Variants in MRTFB observed in about 807,000 individuals in gnomAD.
MRTFB encodes the protein myocardin related transcription factor B, also known as myocardin-related transcription factor B.
Under a neutral mutation model 104.2 loss-of-function variants are expected in MRTFB, and 29 were observed. That is an observed-to-expected ratio of 0.28 (90% CI 0.21 to 0.38). The LOEUF (loss-of-function observed/expected upper bound fraction) is 0.38, where lower values mean the gene tolerates loss of function less well. Ranked by LOEUF, MRTFB falls within the 10% of genes least tolerant of loss-of-function variation. The probability of loss-of-function intolerance (pLI) is 1.00; values close to 1 mark genes in which losing one functional copy is unlikely to be tolerated. For synonymous variants in MRTFB, 535 were observed against 519.5 expected (o/e 1.03, Z -0.41); for missense variants, 1,270 against 1,341.6 (o/e 0.95, Z 0.83).
At chr16:14,248,854 C>G in intron 12 of MRTFB, 72 bp from the exon 13 acceptor site, 20 of 1,529,806 alleles carry the variant, frequency 1.3e-5, no homozygotes, top group Non-Finnish European at 1.4e-5. Flanking sequence ...ACCAGTGATT[C>G]TACACCTAAG....
rs1424095224 is a variant in MRTFB at position 14,266,151 on chromosome 16, A to C, written c.*4707A>C. The C allele has an allele frequency of 6.6e-6, 1 of 152,206 alleles. No individual in the cohort carries two copies. Among genetic ancestry groups the C allele is most frequent in the East Asian group, 1.9e-4 (1 of 5,198 alleles). 9.4% of individuals were successfully genotyped at this position (152,206 alleles called of 1,614,324 possible). A position where few individuals can be genotyped will look rare whatever the true frequency, so the allele number is the denominator to read the frequency against. On this transcript the variant is annotated 3_prime_UTR_variant, in exon 17 of 17. Coordinates refer to ENST00000571589, the MANE Select transcript of MRTFB (RefSeq NM_001308142.2). ...TTATTTAAAATTTGAGACTAATGAG[A>C]TCTCAAAAATCAGCCCCAAAAAGGT...
the MRTFB span, among the ~76,000 whole-genome samples, chr16:14,065,462 G>C: frequency 6.6e-6 from 1 of 152,106 alleles, no homozygotes; most frequent in Non-Finnish European, 1.5e-5. Flanking sequence ...TCTTTCTCTT[G>C]CCTGATTGCT....
intron 3 of MRTFB, among the ~76,000 whole-genome samples, chr16:14,159,891 C>T (rs1162174338): frequency 7.3e-6 from 1 of 137,706 alleles, no homozygotes; most frequent in African/African-American, 2.7e-5. Context: ...GATCCCGCCA[C>T]TGCACTCCAG....
At chr16:14,186,729 C>A in intron 3 of MRTFB, 1 of 1,433,496 alleles carries the variant, frequency 7.0e-7, no homozygotes, top group Non-Finnish European at 9.1e-7. Flanking sequence ...ATTTGCAGGT[C>A]AAGCTGGGAA....
intron 8 of MRTFB, among the ~76,000 whole-genome samples, chr16:14,226,223 T>C (rs1047594139): frequency 2.6e-5 from 4 of 152,076 alleles, no homozygotes; most frequent in African/African-American, 7.2e-5. Flanking sequence ...AATAGAAAAA[T>C]CTTATGGAAT....
At chr16:14,145,168 C>T (rs1199991121) in intron 3 of MRTFB, among the ~76,000 whole-genome samples, 1 of 151,368 alleles carries the variant, frequency 6.6e-6, no homozygotes, top group Non-Finnish European at 1.5e-5. Context: ...ACATGTTGTT[C>T]ATTTTTTAGG....
At chr16:14,016,942 T>C in the MRTFB span, among the ~76,000 whole-genome samples, 1 of 152,220 alleles carries the variant, frequency 6.6e-6, no homozygotes, top group East Asian at 1.9e-4. Context: ...GTATGTCATT[T>C]AGTTTAGGCC....
intron 14 of MRTFB, 149 bp downstream of exon 14, chr16:14,252,172 A>G: frequency 3.3e-6 from 4 of 1,226,382 alleles, no homozygotes; most frequent in Non-Finnish European, 4.5e-6. Flanking sequence ...GAGCTCAGCT[A>G]TTATCACAGT....
At chr16:14,036,296 T>TATATATATATATATATATA in the MRTFB span, among the ~76,000 whole-genome samples, 8 of 98,314 alleles carry the variant, frequency 8.1e-5, no homozygotes, top group South Asian at 1.6e-3. Flanking sequence ...TTATATATAT[T>TATATATATATATATATATA]TATATATATA....
At chr16:14,253,496 C>T (rs2043342120) in intron 15 of MRTFB, among the ~76,000 whole-genome samples, 3 of 152,160 alleles carry the variant, frequency 2.0e-5, no homozygotes, top group Non-Finnish European at 4.4e-5. Flanking sequence ...TCAAGCTGCA[C>T]CTAAGGAACG....
At chr16:14,025,602 G>A in the MRTFB span, among the ~76,000 whole-genome samples, 1 of 152,158 alleles carries the variant, frequency 6.6e-6, no homozygotes, top group Non-Finnish European at 1.5e-5. Context: ...TACTGCTCCT[G>A]GGGCCCTGTG....
chr16:14,033,368 A>G, the MRTFB span, among the ~76,000 whole-genome samples: 2 of 111,456 alleles, frequency 1.8e-5, no homozygotes, highest in East Asian at 2.3e-4. Context: ...CAATATAGCA[A>G]GACCTCATCT....
At chr16:14,084,089 T>C (rs965737677) in intron 2 of MRTFB, among the ~76,000 whole-genome samples, 6 of 152,234 alleles carry the variant, frequency 3.9e-5, no homozygotes, top group African/African-American at 1.4e-4. Flanking sequence ...TGTTGAAGTA[T>C]GTTGAGTTCT....
At chr16:14,237,180 G>A (rs1369488279) in intron 9 of MRTFB, among the ~76,000 whole-genome samples, 1 of 152,180 alleles carries the variant, frequency 6.6e-6, no homozygotes, top group Non-Finnish European at 1.5e-5. Context: ...TGTATAAATG[G>A]CATTTAAAGC....
At chr16:14,159,232 C>G (rs893441589) in intron 3 of MRTFB, among the ~76,000 whole-genome samples, 2 of 152,114 alleles carry the variant, frequency 1.3e-5, no homozygotes, top group African/African-American at 2.4e-5. Context: ...TGTTGCCATG[C>G]TAGGAAGAAT....
chr16:14,044,623 A>G, the MRTFB span, among the ~76,000 whole-genome samples: 11 of 152,284 alleles, frequency 7.2e-5, no homozygotes, highest in South Asian at 4.2e-4. Flanking sequence ...TTGCTTCTGG[A>G]TGTTCCATAA....
At chr16:14,186,787 G>T in intron 3 of MRTFB, 1 of 1,536,202 alleles carries the variant, frequency 6.5e-7, no homozygotes, top group Non-Finnish European at 8.7e-7. Context: ...TAATTGGCCA[G>T]TGATTGGGGT....
chr16:14,125,705 G>A lies in MRTFB; in HGVS notation c.-63-14839G>A, dbSNP rs117268455. ...TGGTAGTAGTTGCTTTTCTTATTTG[G>A]CAAATGGGTTTTTGTACTTTACGTC... On this transcript the variant is annotated intron_variant, in intron 2 of 16. Transcript: ENST00000571589. 1.1e-3 allele frequency among the ~76,000 whole-genome samples: 161 copies of A among 152,118 alleles called. 6 individuals are homozygous for A. The East Asian group carries it at 0.03, about 28-fold the overall frequency.
intron 2 of MRTFB, among the ~76,000 whole-genome samples, chr16:14,092,272 C>T (rs539209791): frequency 6.6e-6 from 1 of 152,256 alleles, no homozygotes; most frequent in Admixed American, 6.5e-5. Context: ...TCCCAGCATA[C>T]TGTACTTGGC....
Sources: allele counts gnomAD v4.1 joint callset (sites outside exome capture counted in the v4.1 genomes callset), GRCh38; gene constraint gnomAD v4.1.1; transcripts MANE v1.5; gene names NCBI Gene and HGNC (gene_info 2026-07-23, HGNC 2026-07-21).